The following DMTF1 variants were observed in gnomAD, a reference collection of about 807,000 sequenced individuals.
DMTF1 encodes cyclin D binding myb like transcription factor 1, also known as cyclin-D-binding Myb-like transcription factor 1.
In DMTF1, 39 loss-of-function variants were observed where a neutral mutation model predicts 91.1. The observed-to-expected ratio is 0.43, with a 90% CI of 0.33 to 0.56. The LOEUF (loss-of-function observed/expected upper bound fraction) is 0.56. DMTF1 is among the 20% of genes least tolerant of loss of function. DMTF1 has a pLI of 0.05. For synonymous variants in DMTF1, 338 were observed against 309.5 expected (o/e 1.09, Z -0.97); for missense variants, 750 against 914.5 (o/e 0.82, Z 2.32).
chr7:87,194,312 C>A, intron 16 of DMTF1: 1 of 542,774 alleles, frequency 1.8e-6, no homozygotes, highest in Non-Finnish European at 3.1e-6. Flanking sequence ...TACCACAGTT[C>A]CTCACTAAAA....
intron 15 of DMTF1, 63 bp from the exon 16 acceptor site, chr7:87,193,662 G>A: frequency 7.1e-7 from 1 of 1,403,328 alleles, no homozygotes; most frequent in Admixed American, 2.2e-5. Context: ...GGGGGAGACA[G>A]TGAGGTACCC....
chr7:87,194,219 C>G (rs2129203424), intron 16 of DMTF1, 117 bp downstream of exon 16: 1 of 1,161,672 alleles, frequency 8.6e-7, no homozygotes, highest in Non-Finnish European at 1.2e-6. Flanking sequence ...AACCTCACAC[C>G]TCACAAAGTG....
intron 4 of DMTF1, among the ~76,000 whole-genome samples, chr7:87,169,110 C>T (rs1017330626): frequency 6.6e-6 from 1 of 152,106 alleles, no homozygotes; most frequent in East Asian, 1.9e-4. Flanking sequence ...ACCAGTTTTT[C>T]TTCTACTGAG....
At chr7:87,161,460 C>A (rs1256592601) in intron 1 of DMTF1, among the ~76,000 whole-genome samples, 1 of 152,208 alleles carries the variant, frequency 6.6e-6, no homozygotes, top group Non-Finnish European at 1.5e-5. Flanking sequence ...CAAGATCGTG[C>A]CACTGCACTA....
At chr7:87,194,215 A>T in intron 16 of DMTF1, 113 bp downstream of exon 16, 1 of 1,190,632 alleles carries the variant, frequency 8.4e-7, no homozygotes, top group South Asian at 1.6e-5. Context: ...CCCCAACCTC[A>T]CACCTCACAA....
intron 1 of DMTF1, among the ~76,000 whole-genome samples, chr7:87,157,955 T>TA (rs1298942817): frequency 6.6e-5 from 10 of 152,124 alleles, no homozygotes; most frequent in African/African-American, 2.4e-4. Flanking sequence ...AAGTACACAT[T>TA]AAAAGTATGT....
intron 1 of DMTF1, among the ~76,000 whole-genome samples, chr7:87,160,597 A>G (rs770186102): frequency 6.6e-6 from 1 of 151,734 alleles, no homozygotes; most frequent in African/African-American, 2.4e-5. Flanking sequence ...TTTCTTCCCT[A>G]CTTCTAATTC....
In DMTF1 at chr7:87,188,167, C is replaced by T. The variant is rs1483714961; in HGVS notation, c.1277C>T (p.Ser426Phe). The part of the protein sequence containing the change: ...NPTLLENKSG[S>F]GVPNSNTNSS... ...ACGCTTTTGGAGAATAAATCAGGAT[C>T]TGGAGTTCCAAACAGTAATACCAAT... The change falls in exon 13 of 18, where the codon TCT (serine) becomes TTT (phenylalanine). Residue 426 changes from serine to phenylalanine, a missense_variant. Transcript: ENST00000331242. The T allele has an allele frequency of 6.2e-7, 1 of 1,613,840 alleles. No homozygotes were observed. Among genetic ancestry groups the T allele is most frequent in the African/African-American group, 1.3e-5 (1 of 74,894 alleles).
chr7:87,154,335 A>G (rs963490998), intron 1 of DMTF1: 8 of 152,526 alleles, frequency 5.2e-5, no homozygotes, highest in Non-Finnish European at 1.2e-4. Context: ...AACTCTCGAT[A>G]CTAGGTGCTT....
Position 87,195,579 on chromosome 7 carries a change from ATCT to A in DMTF1, c.*443_*445del, listed in dbSNP as rs1446222621. On this transcript the variant is annotated 3_prime_UTR_variant, in exon 18 of 18. Coordinates refer to ENST00000331242, the MANE Select transcript of DMTF1 (RefSeq NM_001142327.2). The stretch of plus-strand genomic sequence containing the variant: ...CAACATGGTCTAGAGCTTACCAGTG[ATCT>A]TCTGATCTTCAAGAAGACTAAGTTT... 2 of 153,870 alleles carry A rather than the reference ATCT, an allele frequency of 1.3e-5. No homozygotes were observed. The highest frequency in any genetic ancestry group is 3.8e-4 in the East Asian group (2 of 5,212). 9.5% of individuals were successfully genotyped at this position (153,870 alleles called of 1,614,324 possible). A position where few individuals can be genotyped will look rare whatever the true frequency, so the allele number is the denominator to read the frequency against.
intron 5 of DMTF1, 75 bp from the exon 6 acceptor site, chr7:87,173,460 C>T (rs184503139): frequency 8.6e-6 from 7 of 817,780 alleles, no homozygotes; most frequent in South Asian, 5.2e-5. Context: ...AAGATGAATC[C>T]GGTTGAGCAT....
chr7:87,157,378 T>C (rs1791035297), intron 1 of DMTF1, among the ~76,000 whole-genome samples: 1 of 152,182 alleles, frequency 6.6e-6, no homozygotes, highest in Admixed American at 6.5e-5. Context: ...GTTCCTGTGC[T>C]GCTCATGATT....
intron 4 of DMTF1, among the ~76,000 whole-genome samples, chr7:87,168,192 T>C (rs933132634): frequency 2.6e-5 from 4 of 152,168 alleles, no homozygotes; most frequent in Non-Finnish European, 5.9e-5. Context: ...TCAGCCTAAC[T>C]CTCATATTAA....
At position 87,188,236 on chromosome 7, in the gene DMTF1, A is replaced by ATAATACAGCCATCTCTTC; in HGVS notation, c.1349_1366dup (p.Asn450_Ser455dup). 6.2e-7 allele frequency: 1 copy of ATAATACAGCCATCTCTTC among 1,614,010 alleles called. No homozygotes were observed. Among genetic ancestry groups the ATAATACAGCCATCTCTTC allele is most frequent in the Non-Finnish European group, 8.5e-7 (1 of 1,179,914 alleles). On this transcript the variant is annotated inframe_insertion, in exon 13 of 18. Transcript: ENST00000331242. Reference sequence around the variant, plus strand: ...CAGATAAGAGTTGCCCGCTTGGAAGATAATACAGCCATCTCTTCTAGCCCC... The same window carrying ATAATACAGCCATCTCTTC: ...CAGATAAGAGTTGCCCGCTTGGAAGATAATACAGCCATCTCTTCTAATACAGCCATCTCTTCTAGCCCC...
At chr7:87,159,485 G>T (rs1562775611) in intron 1 of DMTF1, among the ~76,000 whole-genome samples, 1 of 152,152 alleles carries the variant, frequency 6.6e-6, no homozygotes, top group Admixed American at 6.5e-5. Flanking sequence ...ATTTGGATTT[G>T]CTGCTACCCT....
At chr7:87,191,161 C>T in intron 14 of DMTF1, 134 bp downstream of exon 14, 1 of 576,742 alleles carries the variant, frequency 1.7e-6, no homozygotes, top group Non-Finnish European at 3.0e-6. Flanking sequence ...CAGACTTCTA[C>T]TTTTATAATT....
At chr7:87,193,141 T>C in intron 14 of DMTF1, 57 bp from the exon 15 acceptor site, 1 of 1,586,932 alleles carries the variant, frequency 6.3e-7, no homozygotes, top group Non-Finnish European at 8.6e-7. Flanking sequence ...CTCAGTCCGT[T>C]TTTGTATATA....
intron 13 of DMTF1, among the ~76,000 whole-genome samples, chr7:87,189,623 A>G (rs997601583): frequency 2.0e-5 from 3 of 152,134 alleles, no homozygotes; most frequent in Non-Finnish European, 4.4e-5. Flanking sequence ...GTGTTCTACA[A>G]TCCACCTATT....
chr7:87,175,272 C>A (rs779229707), intron 7 of DMTF1, among the ~76,000 whole-genome samples: 1 of 151,998 alleles, frequency 6.6e-6, no homozygotes, highest in Non-Finnish European at 1.5e-5. Context: ...CCACCCATCT[C>A]GGCCTCCCAA....
Sources: allele counts gnomAD v4.1 joint callset (sites outside exome capture counted in the v4.1 genomes callset), GRCh38; gene constraint gnomAD v4.1.1; transcripts MANE v1.5; gene names NCBI Gene and HGNC (gene_info 2026-07-23, HGNC 2026-07-21).